The following SPIRE1 variants were observed in gnomAD, a reference collection of about 807,000 sequenced individuals.
SPIRE1 encodes the protein protein spire homolog 1.
SPIRE1 carries 40 observed loss-of-function variants against 94.1 expected under a neutral mutation model. That is an observed-to-expected ratio of 0.43 (90% CI 0.33 to 0.55). The LOEUF is 0.55. Ranked by LOEUF, SPIRE1 falls within the 20% of genes least tolerant of loss-of-function variation. The probability of loss-of-function intolerance (pLI) is 0.06; values close to 1 mark genes in which losing one functional copy is unlikely to be tolerated. For synonymous variants in SPIRE1, 376 were observed against 371.7 expected, an observed-to-expected ratio of 1.01 and a Z score of -0.13; for missense variants, 838 against 975.2, an observed-to-expected ratio of 0.86 and a Z score of 1.87.
intron 2 of SPIRE1, among the ~76,000 whole-genome samples, chr18:12,612,953 G>A (rs1327282753): frequency 6.6e-6 from 1 of 152,002 alleles, no homozygotes; most frequent in Non-Finnish European, 1.5e-5. Flanking sequence ...CCACCATTAT[G>A]CTCCCCATCA....
In SPIRE1 at chr18:12,449,356, T is replaced by A; in HGVS notation, c.*282A>T. 1 of 415,914 alleles carries A rather than the reference T, an allele frequency of 2.4e-6. No homozygotes were observed. The highest frequency in any genetic ancestry group is 4.4e-6 in the Non-Finnish European group (1 of 226,876). 25.8% of individuals were successfully genotyped at this position (415,914 alleles called of 1,614,324 possible). A position where few individuals can be genotyped will look rare whatever the true frequency, so the allele number is the denominator to read the frequency against. ...TTCGAGGAACAGTAAAGAACTGAAC[T>A]AAGGAAGTAGCTACTGGCTTCCAAA... On this transcript the variant is annotated 3_prime_UTR_variant, in exon 17 of 17. Coordinates refer to ENST00000409402, the MANE Select transcript of SPIRE1 (RefSeq NM_001128626.2).
At chr18:12,531,735 T>C (rs1201272198) in intron 4 of SPIRE1, among the ~76,000 whole-genome samples, 1 of 152,174 alleles carries the variant, frequency 6.6e-6, no homozygotes, top group East Asian at 1.9e-4. Flanking sequence ...TAATGATAAA[T>C]AATTTTATTT....
chr18:12,549,439 G>GTTTTTGTTTTTTTTTTT (rs2035276408), intron 2 of SPIRE1, among the ~76,000 whole-genome samples: 1 of 41,248 alleles, frequency 2.4e-5, no homozygotes, highest in African/African-American at 1.2e-4. Context: ...TGTTATTGTT[G>GTTTTTGTTTTTTTTTTT]TTTTTTTTTT....
intron 2 of SPIRE1, among the ~76,000 whole-genome samples, chr18:12,616,036 GTTTT>G (rs1160609253): frequency 6.6e-6 from 1 of 151,054 alleles, no homozygotes; most frequent in Non-Finnish European, 1.5e-5. Flanking sequence ...CAAGCTCTTC[GTTTT>G]TTTTTTCCAG....
chr18:12,647,267 T>C (rs1161408931), intron 1 of SPIRE1, among the ~76,000 whole-genome samples: 1 of 152,164 alleles, frequency 6.6e-6, no homozygotes, highest in African/African-American at 2.4e-5. Context: ...ATGCTGACCA[T>C]ACATCATGAA....
chr18:12,493,325 C>G (rs1567887916), intron 7 of SPIRE1, 124 bp from the exon 8 acceptor site: 2 of 884,214 alleles, frequency 2.3e-6, no homozygotes, highest in Non-Finnish European at 3.4e-6. Flanking sequence ...TAAAAGATTA[C>G]TTTCAAGTCA....
At chr18:12,645,334 A>C (rs963525472) in intron 1 of SPIRE1, among the ~76,000 whole-genome samples, 5 of 152,086 alleles carry the variant, frequency 3.3e-5, no homozygotes, top group Non-Finnish European at 5.9e-5. Flanking sequence ...AGGAAAAAAT[A>C]TTTTCCAGGC....
chr18:12,575,082 G>A (rs144198508), intron 2 of SPIRE1, among the ~76,000 whole-genome samples: 4 of 152,196 alleles, frequency 2.6e-5, no homozygotes, highest in Admixed American at 2.6e-4. Flanking sequence ...ATGAGACAGG[G>A]CAGAGGTAGG....
intron 10 of SPIRE1, among the ~76,000 whole-genome samples, chr18:12,465,221 G>C (rs1221199452): frequency 6.6e-6 from 1 of 152,024 alleles, no homozygotes; most frequent in Non-Finnish European, 1.5e-5. Flanking sequence ...CTGTTGCTCT[G>C]GTAGCAGTGC....
chr18:12,543,875 A>G (rs1304927904), intron 3 of SPIRE1, among the ~76,000 whole-genome samples: 2 of 152,248 alleles, frequency 1.3e-5, no homozygotes, highest in Non-Finnish European at 2.9e-5. Context: ...GAGTCAATTT[A>G]TGAATTGAGG....
In SPIRE1 at chr18:12,447,335, TC is replaced by T. The variant is rs1489180952; in HGVS notation, c.*2302del. The T allele has an allele frequency of 6.6e-6, 1 of 151,776 alleles. No homozygotes were observed. The highest frequency in any genetic ancestry group is 2.4e-5 in the African/African-American group (1 of 41,310). The allele number at this position is 151,776 out of a possible 1,614,324, so 9.4% of individuals were successfully genotyped here. A position where few individuals can be genotyped will look rare whatever the true frequency, so the allele number is the denominator to read the frequency against. ...GAAGAACTGGAAGCTATGCCTAAAG[TC>T]AGACCAGGCTAAGGATTTTAAAACC... is the stretch of plus-strand genomic sequence containing the variant. On this transcript the variant is annotated 3_prime_UTR_variant, in exon 17 of 17. Transcript: ENST00000409402.
rs144055278 is a variant in SPIRE1 at position 12,488,951 on chromosome 18, C to T, written c.1190-2951G>A. On this transcript the variant is annotated intron_variant, in intron 8 of 16. Transcript: ENST00000409402. Reference sequence around the variant, plus strand: ...CTGTAATCCCAGCACTTTCGGAGGCCGAGACGGGTGGATCATGAGGTCAGG... The same window carrying T: ...CTGTAATCCCAGCACTTTCGGAGGCTGAGACGGGTGGATCATGAGGTCAGG... 1.1e-3 allele frequency among the ~76,000 whole-genome samples: 162 copies of T among 152,100 alleles called. 1 individual carries two copies. The Middle Eastern group carries it at 0.014, about 13-fold the overall frequency.
At position 12,533,448 on chromosome 18, in the gene SPIRE1, TAAC is replaced by T. The variant is rs1418053826; in HGVS notation, c.729+2025_729+2027del. ...ACATCAGATGAGTAATGTGCTGACA[TAAC>T]AAGGTTTAGAAAAAGGAACATCTCG... On this transcript the variant is annotated intron_variant, in intron 4 of 16. Coordinates refer to ENST00000409402, the MANE Select transcript of SPIRE1 (RefSeq NM_001128626.2). 2.0e-5 allele frequency among the ~76,000 whole-genome samples: 3 copies of T among 152,218 alleles called. No homozygotes were observed. In the East Asian group the frequency reaches 5.8e-4, roughly 29 times the overall value.
rs565689465 is a variant in SPIRE1 at position 12,635,941 on chromosome 18, T to G, written c.338-845A>C. On this transcript the variant is annotated intron_variant, in intron 1 of 16. Coordinates refer to ENST00000409402, the MANE Select transcript of SPIRE1 (RefSeq NM_001128626.2). ...TCTCACTCTGTCACCCAAGCTGGAG[T>G]GCAGTGGTGTGATTTTGGCTCACTG... 2.3e-3 allele frequency among the ~76,000 whole-genome samples: 352 copies of G among 151,728 alleles called. 3 individuals are homozygous for G. Among genetic ancestry groups the G allele is most frequent in the South Asian group, 0.014 (69 of 4,812 alleles).
chr18:12,584,617 T>C (rs906462738), intron 2 of SPIRE1, among the ~76,000 whole-genome samples: 1 of 151,838 alleles, frequency 6.6e-6, no homozygotes. Context: ...ATAGTCACAA[T>C]AGGAAAATTA....
At chr18:12,489,142 C>T (rs567583477) in intron 8 of SPIRE1, among the ~76,000 whole-genome samples, 20 of 152,076 alleles carry the variant, frequency 1.3e-4, no homozygotes, top group South Asian at 2.1e-4. Flanking sequence ...GAGCCAAGAT[C>T]GCACCACTGC....
chr18:12,464,001 A>G (rs1230425798), intron 11 of SPIRE1, among the ~76,000 whole-genome samples: 4 of 152,204 alleles, frequency 2.6e-5, no homozygotes, highest in African/African-American at 9.6e-5. Flanking sequence ...CCATTTTGAA[A>G]ACAAAAGGAG....
At chr18:12,467,913 C>T (rs2032187931) in intron 10 of SPIRE1, among the ~76,000 whole-genome samples, 1 of 151,852 alleles carries the variant, frequency 6.6e-6, no homozygotes, top group Non-Finnish European at 1.5e-5. Flanking sequence ...CATGCCACTG[C>T]ACTCCAGCCT....
chr18:12,535,567 G>C lies in SPIRE1; in HGVS notation c.638C>G (p.Ala213Gly), dbSNP rs1567916218. ...CAAHLPTESDAPNHYQAVCRA... is the reference protein window; with the variant it reads ...CAAHLPTESDGPNHYQAVCRA... ...ACATACTGCCTGATAATGATTTGGT[G>C]CATCTGATTCAGTAGGGAGATGAGC... The change falls in exon 4 of 17, where the codon GCA becomes GGA. Residue 213 changes from alanine to glycine, a missense_variant. Coordinates refer to ENST00000409402, the MANE Select transcript of SPIRE1 (RefSeq NM_001128626.2). 1 of 1,612,956 alleles carries C rather than the reference G, an allele frequency of 6.2e-7. No individual in the cohort carries two copies. The highest frequency in any genetic ancestry group is 1.1e-5 in the South Asian group (1 of 91,054).
Sources: allele counts gnomAD v4.1 joint callset (sites outside exome capture counted in the v4.1 genomes callset), GRCh38; gene constraint gnomAD v4.1.1; transcripts MANE v1.5; gene names NCBI Gene and HGNC (gene_info 2026-07-23, HGNC 2026-07-21).